Variants in ZNF713 observed in about 807,000 individuals in gnomAD.
The protein encoded by ZNF713 is zinc finger protein 713.
A neutral mutation model predicts 28.7 loss-of-function variants in ZNF713; 21 were observed. That is an observed-to-expected ratio of 0.73 (90% confidence interval 0.52 to 1.05). ZNF713 has a LOEUF of 1.05. Among genes scored for constraint, ZNF713 ranks in the 50% least tolerant of loss-of-function variants. ZNF713 has a pLI of 0.00. For synonymous variants in ZNF713, 167 were observed against 178.0 expected (o/e 0.94, Z 0.49); for missense variants, 458 against 532.4 (o/e 0.86, Z 1.37).
intron 2 of ZNF713, among the ~76,000 whole-genome samples, chr7:55,907,996 C>T (rs1328485009): frequency 1.3e-5 from 2 of 151,816 alleles, no homozygotes; most frequent in African/African-American, 4.8e-5. Flanking sequence ...ATTGCTGGGT[C>T]GAAAGGTAAT....
chr7:55,906,264 TG>T lies in ZNF713; in HGVS notation c.-569del, dbSNP rs1404864880. ...CTTCTTCCTTTTAGGTCAACATACC[TG>T]GCCTAAGGAGGCAGGATTGAGTGAC... On this transcript the variant is annotated 5_prime_UTR_variant, in exon 2 of 7. Coordinates refer to ENST00000429591, the MANE Select transcript of ZNF713 (RefSeq NM_182633.3). 1.3e-5 allele frequency: 2 copies of T among 152,218 alleles called. No homozygotes were observed. The highest frequency in any genetic ancestry group is 1.3e-4 in the Admixed American group (2 of 15,268). 9.4% of individuals were successfully genotyped at this position (152,218 alleles called of 1,614,324 possible).
At chr7:55,892,116 A>G (rs1423236307) in intron 1 of ZNF713, among the ~76,000 whole-genome samples, 4 of 151,660 alleles carry the variant, frequency 2.6e-5, no homozygotes, top group African/African-American at 9.7e-5. Context: ...CGTCTCTACT[A>G]AAACTACAAA....
chr7:55,912,522 A>G (rs187720861), intron 3 of ZNF713, 113 bp from the exon 4 acceptor site: 9 of 693,802 alleles, frequency 1.3e-5, no homozygotes, highest in Admixed American at 2.5e-5. Flanking sequence ...CTTTAGGCTT[A>G]TGTCTTAGAG....
intron 4 of ZNF713, 97 bp downstream of exon 4, chr7:55,912,820 C>T: frequency 1.0e-6 from 1 of 955,468 alleles, no homozygotes; most frequent in Non-Finnish European, 1.6e-6. Context: ...CACAAAAATC[C>T]AGAGCCCAGG....
chr7:55,923,367 T>C lies in ZNF713; in HGVS notation c.214+79T>C, dbSNP rs935472995. On this transcript the variant is annotated intron_variant, in intron 5 of 6. Transcript: ENST00000429591. ...GAACTAGTAGAAGCCTGCAAAGTTT[T>C]TGTGAATATAGTTTGGGCTGGGATA... 4.2e-5 allele frequency: 64 copies of C among 1,524,866 alleles called. No homozygotes were observed. The African/African-American group carries it at 6.7e-4, about 16-fold the overall frequency. 94.5% of individuals were successfully genotyped at this position (1,524,866 alleles called of 1,614,324 possible).
intron 4 of ZNF713, chr7:55,918,424 GA>G (rs1562743102): frequency 5.6e-6 from 1 of 179,254 alleles, no homozygotes; most frequent in Non-Finnish European, 1.2e-5. Flanking sequence ...CAAGTTTTGG[GA>G]TGGTTTGTTA....
At chr7:55,931,513 C>CAAAAATATTAATTGTTTTTGAACAATCAA (rs1786209291) in intron 6 of ZNF713, among the ~76,000 whole-genome samples, 1 of 151,674 alleles carries the variant, frequency 6.6e-6, no homozygotes, top group East Asian at 1.9e-4. Flanking sequence ...AATATTTTTT[C>CAAAAATATTAATTGTTTTTGAACAATCAA]AAAAAAATTG....
At chr7:55,911,005 G>T (rs944254416) in intron 2 of ZNF713, among the ~76,000 whole-genome samples, 1 of 152,216 alleles carries the variant, frequency 6.6e-6, no homozygotes. Flanking sequence ...CTTAGGGAAT[G>T]AAGAACCTAT....
chr7:55,928,969 C>CAAAA (rs35152322), intron 6 of ZNF713, among the ~76,000 whole-genome samples: 37 of 119,312 alleles, frequency 3.1e-4, no homozygotes, highest in African/African-American at 9.9e-4. Context: ...CCATTTCTAC[C>CAAAA]AAAAAAAAAA....
At chr7:55,937,931 C>T (rs191661176) in intron 6 of ZNF713, among the ~76,000 whole-genome samples, 66 of 151,270 alleles carry the variant, frequency 4.4e-4, no homozygotes, top group Middle Eastern at 3.6e-3. Context: ...AGGCCGGGCA[C>T]GGTGGCTCAT....
intron 1 of ZNF713, among the ~76,000 whole-genome samples, chr7:55,895,246 A>G (rs1785452694): frequency 6.6e-6 from 1 of 152,158 alleles, no homozygotes; most frequent in Non-Finnish European, 1.5e-5. Flanking sequence ...AGAAACATTC[A>G]TGAGATACTG....
intron 1 of ZNF713, among the ~76,000 whole-genome samples, chr7:55,890,276 C>T (rs1054569862): frequency 1.3e-5 from 2 of 151,738 alleles, no homozygotes; most frequent in African/African-American, 4.8e-5. Context: ...ATGGTGAAAC[C>T]CCATCTCTAG....
intron 1 of ZNF713, among the ~76,000 whole-genome samples, chr7:55,889,898 T>G (rs1277292237): frequency 1.3e-5 from 2 of 152,214 alleles, no homozygotes; most frequent in South Asian, 4.1e-4. Context: ...CTGCTCAGTC[T>G]GCTGTACAAT....
chr7:55,908,020 C>A (rs972435824), intron 2 of ZNF713, among the ~76,000 whole-genome samples: 1 of 150,872 alleles, frequency 6.6e-6, no homozygotes, highest in Non-Finnish European at 1.5e-5. Flanking sequence ...ATTTTTAGTT[C>A]TTTGAGAAAT....
intron 1 of ZNF713, among the ~76,000 whole-genome samples, chr7:55,904,652 T>G (rs914370256): frequency 2.0e-5 from 3 of 151,958 alleles, no homozygotes; most frequent in Non-Finnish European, 2.9e-5. Flanking sequence ...TGAAGAGTTG[T>G]GGCCTTGAAA....
chr7:55,904,516 A>T (rs1428635912), intron 1 of ZNF713, among the ~76,000 whole-genome samples: 2 of 151,784 alleles, frequency 1.3e-5, no homozygotes, highest in Non-Finnish European at 2.9e-5. Flanking sequence ...ATGAACAACA[A>T]CATAAAGGTT....
intron 1 of ZNF713, among the ~76,000 whole-genome samples, chr7:55,900,193 C>T (rs544144794): frequency 1.1e-4 from 16 of 152,210 alleles, no homozygotes; most frequent in East Asian, 5.8e-4. Context: ...GGTGGCCGGG[C>T]GTGGTGGCTC....
chr7:55,923,253 T>G lies in ZNF713; in HGVS notation c.179T>G (p.Val60Gly). Residue 60 changes from valine (V) to glycine (G), a missense_variant, in exon 5 of 7, where the codon GTG becomes GGG. Val to Gly is a moderately radical substitution (Grantham distance 109). Coordinates refer to ENST00000429591, the MANE Select transcript of ZNF713 (RefSeq NM_182633.3). ...GCCCAAAAGAACCTCTATCGAGACG[T>G]GATGCTGGAGAACTACAGGAATCTA... is the stretch of plus-strand genomic sequence containing the variant. ...YPAQKNLYRDVMLENYRNLVA... is the reference protein window; with the variant it reads ...YPAQKNLYRDGMLENYRNLVA... 6.2e-7 allele frequency: 1 copy of G among 1,613,448 alleles called. No individual in the cohort carries two copies. The highest frequency in any genetic ancestry group is 8.5e-7 in the Non-Finnish European group (1 of 1,179,742).
At chr7:55,925,655 T>A (rs1786083395) in intron 6 of ZNF713, among the ~76,000 whole-genome samples, 1 of 152,182 alleles carries the variant, frequency 6.6e-6, no homozygotes, top group South Asian at 2.1e-4. Context: ...ACCTTGTTCC[T>A]GTTTTAGCCT....
Sources: allele counts gnomAD v4.1 joint callset (sites outside exome capture counted in the v4.1 genomes callset), GRCh38; gene constraint gnomAD v4.1.1; transcripts MANE v1.5; gene names NCBI Gene and HGNC (gene_info 2026-07-23, HGNC 2026-07-21).